SERPINB5: variants seen among roughly 807,000 people sequenced by gnomAD.
SERPINB5 encodes the protein serpin B5.
SERPINB5 carries 27 observed loss-of-function variants against 32.2 expected under a neutral mutation model. That is an observed-to-expected ratio of 0.84 (90% CI 0.62 to 1.16). SERPINB5 has a LOEUF of 1.16. SERPINB5 is among the 50% of genes most tolerant of loss of function. SERPINB5 has a pLI of 0.00. For synonymous variants in SERPINB5, 154 were observed against 157.4 expected, an observed-to-expected ratio of 0.98 and a Z score of 0.16; for missense variants, 388 against 436.3, an observed-to-expected ratio of 0.89 and a Z score of 0.99.
chr18:63,484,739 ATCTTT>A (rs1208257843), intron 2 of SERPINB5, 143 bp downstream of exon 2: 12 of 144,840 alleles, frequency 8.3e-5, no homozygotes, highest in African/African-American at 4.7e-4. Flanking sequence ...GACTCTCTTA[ATCTTT>A]TTTTTTTTTT....
In SERPINB5 at chr18:63,489,039, A is replaced by C. The variant is rs188037838; in HGVS notation, c.307-308A>C. Among the ~76,000 whole-genome samples the C allele has an allele frequency of 3.9e-5, 6 of 152,274 alleles. No homozygotes were observed. In the East Asian group the frequency reaches 1.2e-3, roughly 29 times the overall value. ...ATATATATGTATCTGTAGACATACAAAATTTTCATGTTTCTGAAATTACAA... is the reference window on the plus strand; with the variant it reads ...ATATATATGTATCTGTAGACATACACAATTTTCATGTTTCTGAAATTACAA... On this transcript the variant is annotated intron_variant, in intron 3 of 6. Coordinates refer to ENST00000382771, the MANE Select transcript of SERPINB5 (RefSeq NM_002639.5).
intron 2 of SERPINB5, 101 bp from the exon 3 acceptor site, chr18:63,486,845 A>G: frequency 8.5e-7 from 1 of 1,180,550 alleles, no homozygotes; most frequent in Non-Finnish European, 1.2e-6. Flanking sequence ...AGGCAGGAGG[A>G]GTCTGTATGC....
Position 63,503,794 on chromosome 18 carries a change from G to C in SERPINB5, c.*72G>C. On this transcript the variant is annotated 3_prime_UTR_variant, in exon 7 of 7. Transcript: ENST00000382771. Reference sequence around the variant, plus strand: ...GATTTCTGTAAACTCTGCATCCAGAGATTCATTTTCTAGATACAATAAATT... The same window carrying C: ...GATTTCTGTAAACTCTGCATCCAGACATTCATTTTCTAGATACAATAAATT... 6 of 1,467,760 alleles carry C rather than the reference G, an allele frequency of 4.1e-6. No individual in the cohort carries two copies. The South Asian group carries it at 7.2e-5, about 18-fold the overall frequency. 90.9% of individuals were successfully genotyped at this position (1,467,760 alleles called of 1,614,324 possible).
intron 5 of SERPINB5, among the ~76,000 whole-genome samples, chr18:63,493,915 T>C (rs1167233999): frequency 1.3e-5 from 2 of 152,076 alleles, no homozygotes; most frequent in Non-Finnish European, 2.9e-5. Context: ...ACTTGTTGGC[T>C]GTGAAAAAAC....
chr18:63,483,220 C>T (rs975657271), intron 1 of SERPINB5, among the ~76,000 whole-genome samples: 1 of 152,158 alleles, frequency 6.6e-6, no homozygotes, highest in Non-Finnish European at 1.5e-5. Context: ...TTCTTTAACT[C>T]CCATATTACT....
At chr18:63,486,897 C>G in intron 2 of SERPINB5, 49 bp from the exon 3 acceptor site, 2 of 1,601,894 alleles carry the variant, frequency 1.2e-6, no homozygotes, top group Non-Finnish European at 1.7e-6. Flanking sequence ...TTCAGTACAG[C>G]ACTACTCAGA....
Position 63,503,575 on chromosome 18 carries a change from T to C in SERPINB5, c.981T>C (p.Thr327=), listed in dbSNP as rs758471830. Residue 327 remains threonine (T), a synonymous_variant, in exon 7 of 7, where the codon ACT becomes ACC. Transcript: ENST00000382771. The part of the protein sequence containing the change: ...NVIHKVCLEI[T]EDGGDSIEVP... ...TCCACAAAGTGTGCTTAGAAATAACTGAAGATGGTGGGGATTCCATAGAGG... is the reference window on the plus strand; with the variant it reads ...TCCACAAAGTGTGCTTAGAAATAACCGAAGATGGTGGGGATTCCATAGAGG... 6.2e-7 allele frequency: 1 copy of C among 1,614,252 alleles called. No individual in the cohort carries two copies. Among genetic ancestry groups the C allele is most frequent in the Non-Finnish European group, 8.5e-7 (1 of 1,180,040 alleles).
intron 2 of SERPINB5, among the ~76,000 whole-genome samples, chr18:63,486,364 T>C (rs1336922304): frequency 6.6e-6 from 1 of 152,204 alleles, no homozygotes; most frequent in African/African-American, 2.4e-5. Context: ...ACCTGGCATT[T>C]GCTAAAGCAC....
intron 5 of SERPINB5, chr18:63,497,083 G>C (rs1909462856): frequency 1.7e-6 from 1 of 590,172 alleles, no homozygotes. Context: ...TTCTTGAATA[G>C]CCCAGAGCAT....
At position 63,503,476 on chromosome 18, in the gene SERPINB5, A is replaced by G. The variant is rs772229879; in HGVS notation, c.882A>G (p.Lys294=). ...PKACLENLGL[K]HIFSEDTSDF... Reference sequence around the variant, plus strand: ...CTTGTCTGGAAAATCTAGGGCTGAAACATATCTTCAGTGAAGACACATCTG... The same window carrying G: ...CTTGTCTGGAAAATCTAGGGCTGAAGCATATCTTCAGTGAAGACACATCTG... Residue 294 remains lysine (K), a synonymous_variant, in exon 7 of 7, where the codon AAA becomes AAG. Coordinates refer to ENST00000382771, the MANE Select transcript of SERPINB5 (RefSeq NM_002639.5). 6 of 1,614,218 alleles carry G rather than the reference A, an allele frequency of 3.7e-6. No homozygotes were observed. The highest frequency in any genetic ancestry group is 5.1e-6 in the Non-Finnish European group (6 of 1,180,034).
chr18:63,489,641 T>A (rs953432198), intron 4 of SERPINB5, among the ~76,000 whole-genome samples, 177 bp downstream of exon 4: 6 of 152,248 alleles, frequency 3.9e-5, no homozygotes, highest in African/African-American at 1.4e-4. Context: ...GGGCAATTCT[T>A]GTATCATCTC....
chr18:63,480,385 A>G (rs11873176), intron 1 of SERPINB5, among the ~76,000 whole-genome samples: 3,599 of 152,308 alleles, frequency 0.024, 134 homozygotes, highest in African/African-American at 0.082. Context: ...CCTTGTTAAA[A>G]TGGTTACAGG....
rs751252285 is a variant in SERPINB5, at chr18:63,486,972, T to C, written c.195T>C (p.Asp65=). Residue 65 remains aspartate, a synonymous_variant, in exon 3 of 7, where the codon GAT becomes GAC. Transcript: ENST00000382771. ...TTCTTCATTTTGAAAATGTCAAAGA[T>C]GTACCCTTTGGATTTCAAACAGTAA... ...GQVLHFENVK[D]VPFGFQTVTS... 6.2e-6 allele frequency: 10 copies of C among 1,614,046 alleles called. No homozygotes were observed. Among genetic ancestry groups the C allele is most frequent in the Middle Eastern group, 1.6e-4 (1 of 6,082 alleles).
intron 5 of SERPINB5, chr18:63,496,964 G>T: frequency 2.1e-6 from 1 of 473,340 alleles, no homozygotes; most frequent in East Asian, 5.3e-5. Flanking sequence ...GAGAGACCAA[G>T]GGCTAAAGTT....
chr18:63,492,289 TGA>T (rs1290306329), intron 4 of SERPINB5, among the ~76,000 whole-genome samples: 1 of 152,176 alleles, frequency 6.6e-6, no homozygotes, highest in Non-Finnish European at 1.5e-5. Context: ...GGAGTGCAAT[TGA>T]GAGAGTGGAT....
chr18:63,478,135 C>A (rs1196372112), intron 1 of SERPINB5, among the ~76,000 whole-genome samples: 1 of 152,206 alleles, frequency 6.6e-6, no homozygotes, highest in East Asian at 1.9e-4. Flanking sequence ...AAAGGAGTCT[C>A]CAAAGGAAAT....
chr18:63,484,601 G>T lies in SERPINB5; in HGVS notation c.168+5G>T, dbSNP rs754932036. 5.0e-6 allele frequency: 8 copies of T among 1,609,326 alleles called. No individual in the cohort carries two copies. The highest frequency in any genetic ancestry group is 1.1e-5 in the South Asian group (1 of 90,246). On this transcript the variant is annotated splice_donor_5th_base_variant and intron_variant, in intron 2 of 6. Transcript: ENST00000382771. ...ACTGCAAATGAAATTGGACAGGTAA[G>T]CCCCAAAACCTTGTTTCTACTTTAA...
chr18:63,488,850 C>T (rs1379634117), intron 3 of SERPINB5, among the ~76,000 whole-genome samples: 2 of 152,102 alleles, frequency 1.3e-5, no homozygotes, highest in African/African-American at 4.8e-5. Flanking sequence ...TTCAGTATGT[C>T]TGGGGTGGGG....
chr18:63,482,668 G>A (rs986277526), intron 1 of SERPINB5, among the ~76,000 whole-genome samples: 15 of 151,462 alleles, frequency 9.9e-5, no homozygotes, highest in Non-Finnish European at 2.1e-4. Context: ...GAACAGTGAA[G>A]CTTTTTAAAT....
Sources: allele counts gnomAD v4.1 joint callset (sites outside exome capture counted in the v4.1 genomes callset), GRCh38; gene constraint gnomAD v4.1.1; transcripts MANE v1.5; gene names NCBI Gene and HGNC (gene_info 2026-07-23, HGNC 2026-07-21).